Variants in KIF21B observed in about 807,000 individuals in gnomAD.
The protein encoded by KIF21B is kinesin family member 21B.
A neutral mutation model predicts 192.9 loss-of-function variants in KIF21B; 85 were observed. The ratio of observed to expected loss-of-function variants is 0.44; its 90% CI spans 0.37 to 0.53. The LOEUF (loss-of-function observed/expected upper bound fraction) is 0.53, where lower values mean the gene tolerates loss of function less well. Ranked by LOEUF, KIF21B falls within the 20% of genes least tolerant of loss-of-function variation. The probability of loss-of-function intolerance (pLI) is 0.00; values close to 1 mark genes in which losing one functional copy is unlikely to be tolerated. For synonymous variants in KIF21B, 832 were observed against 884.6 expected, an observed-to-expected ratio of 0.94 and a Z score of 1.05; for missense variants, 1,716 against 2,194.8, an observed-to-expected ratio of 0.78 and a Z score of 4.36.
chr1:200,991,545 T>A (rs1215857159), intron 17 of KIF21B, 112 bp downstream of exon 17: 2 of 1,124,280 alleles, frequency 1.8e-6, no homozygotes, highest in Non-Finnish European at 2.6e-6. Flanking sequence ...AATACCGCCT[T>A]TATTCCACCG....
In KIF21B at chr1:200,975,524, T is replaced by C. The variant is rs1384759001; in HGVS notation, c.4589A>G (p.Asp1530Gly). The change falls in exon 33 of 35, where the codon GAC (aspartate) becomes GGC (glycine). Residue 1530 changes from aspartate to glycine, a missense_variant. By Grantham distance (94) the Asp-to-Gly change is moderately conservative (BLOSUM62 -1). This residue lies in a region of KIF21B where 580 missense variants were observed against 775.5 expected (regional missense o/e 0.75). Coordinates refer to ENST00000461742, the MANE Select transcript of KIF21B (RefSeq NM_001252102.2). The surrounding 1 kb of genome is among the most constrained non-coding windows in gnomAD (Gnocchi z 4.3). ...CTGGATGAGCTCCTGCTGGTCTAGG[T>C]CCCACTTCTTGATGCCGTTATCTCG... ...GSRDNGIKKWDLDQQELIQQI... is the reference protein window; with the variant it reads ...GSRDNGIKKWGLDQQELIQQI... The C allele has an allele frequency of 6.2e-7, 1 of 1,613,080 alleles. No individual in the cohort carries two copies. The highest frequency in any genetic ancestry group is 1.7e-5 in the Admixed American group (1 of 59,940).
intron 3 of KIF21B, among the ~76,000 whole-genome samples, chr1:201,008,264 A>G (rs1658028181): frequency 6.6e-6 from 1 of 152,236 alleles, no homozygotes. Flanking sequence ...AGGTGCACAG[A>G]AAGACCTTTC....
At position 200,996,402 on chromosome 1, in the gene KIF21B, G is replaced by C. The variant is rs1427102060; in HGVS notation, c.2078-7C>G. On this transcript the variant is annotated splice_polypyrimidine_tract_variant and splice_region_variant and intron_variant, in intron 14 of 34. Transcript: ENST00000461742. Reference sequence around the variant, plus strand: ...GTATAGCACTCCATGGTGCCTGAGAGCAAGGAGACGCAGCTGTCGGTGCTG... The same window carrying C: ...GTATAGCACTCCATGGTGCCTGAGACCAAGGAGACGCAGCTGTCGGTGCTG... 1.6e-5 allele frequency: 26 copies of C among 1,613,098 alleles called. No individual in the cohort carries two copies. Among genetic ancestry groups the C allele is most frequent in the Non-Finnish European group, 2.2e-5 (26 of 1,179,422 alleles).
At chr1:201,007,437 C>G (rs1571960373) in intron 3 of KIF21B, among the ~76,000 whole-genome samples, 1 of 150,360 alleles carries the variant, frequency 6.7e-6, no homozygotes, top group East Asian at 2.0e-4. Flanking sequence ...CAGACACGGA[C>G]ACAGAGACAC....
chr1:200,984,877 T>A lies in KIF21B; in HGVS notation c.3785A>T (p.Gln1262Leu). The A allele has an allele frequency of 6.2e-7, 1 of 1,602,028 alleles. No individual in the cohort carries two copies. Among genetic ancestry groups the A allele is most frequent in the Non-Finnish European group, 8.5e-7 (1 of 1,175,436 alleles). ...TGCTTACTTGTCCAGCGCTGACCCC[T>A]GGCTCTGATTACTGGTGAGACGAGA... ...VFSRLTSNQS[Q>L]GSALDKSDDS... The change falls in exon 27 of 35, where the codon CAG becomes CTG. Residue 1262 changes from glutamine to leucine, a missense_variant. Physicochemically the swap from Gln to Leu is moderately radical, Grantham distance 113. Transcript: ENST00000461742.
chr1:200,985,782 T>C (rs1303487072), intron 26 of KIF21B, among the ~76,000 whole-genome samples: 263 of 44,982 alleles, frequency 5.8e-3, no homozygotes, highest in African/African-American at 0.013. Context: ...CCCCTCCCCT[T>C]CCCCCTCCCC....
intron 30 of KIF21B, among the ~76,000 whole-genome samples, chr1:200,977,978 C>A (rs1468445530): frequency 2.0e-5 from 3 of 151,918 alleles, no homozygotes; most frequent in Admixed American, 6.5e-5. Context: ...AGGTGATTTG[C>A]CTGCCTCAGC....
In KIF21B at chr1:200,999,315, C is replaced by T. The variant is rs749985573; in HGVS notation, c.1885+34G>A. On this transcript the variant is annotated intron_variant, in intron 13 of 34. Transcript: ENST00000461742. This position sits in a 1 kb window ranked among gnomAD's most constrained non-coding sequence, Gnocchi z 4.7. ...CTTGGGCACTGGCAGCCAGGCATTG[C>T]ATCCCCCACAGCCCACAGCTCAGGC... 6.2e-6 allele frequency: 10 copies of T among 1,613,710 alleles called. No individual in the cohort carries two copies. Among genetic ancestry groups the T allele is most frequent in the Middle Eastern group, 1.7e-4 (1 of 6,058 alleles).
At chr1:200,974,620 G>C (rs1655421542) in intron 34 of KIF21B, 94 bp downstream of exon 34, 1 of 1,334,504 alleles carries the variant, frequency 7.5e-7, no homozygotes, top group East Asian at 2.3e-5. Context: ...GAGCCTGCGG[G>C]GACAACTGCA....
At chr1:200,973,957 C>A in intron 34 of KIF21B, 1 of 1,538,496 alleles carries the variant, frequency 6.5e-7, no homozygotes, top group East Asian at 2.4e-5. Flanking sequence ...CTAGGCCAGG[C>A]AGGACAGGAA....
Position 200,970,589 on chromosome 1 carries a change from G to A in KIF21B, c.*2932C>T, listed in dbSNP as rs1247725160. The A allele has an allele frequency of 6.6e-6, 1 of 152,446 alleles. No individual in the cohort carries two copies. The highest frequency in any genetic ancestry group is 1.9e-4 in the East Asian group (1 of 5,334). The allele number at this position is 152,446 out of a possible 1,614,324, so 9.4% of individuals were successfully genotyped here. A position where few individuals can be genotyped will look rare whatever the true frequency, so the allele number is the denominator to read the frequency against. On this transcript the variant is annotated 3_prime_UTR_variant, in exon 35 of 35. Coordinates refer to ENST00000461742, the MANE Select transcript of KIF21B (RefSeq NM_001252102.2). Reference sequence around the variant, plus strand: ...AAATACTGAACTGACTGATAGTGAGGACAGGGCCCTGGCACAGGACTATGC... The same window carrying A: ...AAATACTGAACTGACTGATAGTGAGAACAGGGCCCTGGCACAGGACTATGC...
chr1:201,010,861 G>C (rs961735837), intron 1 of KIF21B, among the ~76,000 whole-genome samples: 2 of 152,304 alleles, frequency 1.3e-5, no homozygotes, highest in Middle Eastern at 3.4e-3. Context: ...GCACTTCCAC[G>C]GCAAGGGAGT....
chr1:201,013,417 C>T (rs977364248), intron 1 of KIF21B, among the ~76,000 whole-genome samples: 1 of 152,200 alleles, frequency 6.6e-6, no homozygotes, highest in East Asian at 1.9e-4. Flanking sequence ...TACTTGGCCC[C>T]AGATAAGCAG....
At position 200,974,863 on chromosome 1, in the gene KIF21B, C is replaced by A. The variant is rs144100200; in HGVS notation, c.4665G>T (p.Pro1555=). The change falls in exon 34 of 35, where the codon CCG becomes CCT. Residue 1555 remains proline (P), a synonymous_variant. Transcript: ENST00000461742. ...KDWVCALAFI[P]GRPMLLSACR... ...AGGCGCTGAGCAGCATGGGGCGGCC[C>A]GGGATGAAGGCCAGGGCGCACACCC... is the stretch of plus-strand genomic sequence containing the variant. The A allele has an allele frequency of 1.2e-6, 2 of 1,614,142 alleles. No homozygotes were observed. The highest frequency in any genetic ancestry group is 1.7e-6 in the Non-Finnish European group (2 of 1,180,016).
At chr1:201,008,141 G>C (rs1381216932) in intron 3 of KIF21B, among the ~76,000 whole-genome samples, 1 of 152,162 alleles carries the variant, frequency 6.6e-6, no homozygotes, top group East Asian at 1.9e-4. Context: ...ACTGAGTGGG[G>C]GCTCAGCATA....
At chr1:201,007,373 G>GAC (rs1374312365) in intron 3 of KIF21B, among the ~76,000 whole-genome samples, 709 of 42,070 alleles carry the variant, frequency 0.017, 100 homozygotes, top group African/African-American at 0.045. Context: ...CACACACACA[G>GAC]AGACAGAGAC....
At position 200,973,528 on chromosome 1, in the gene KIF21B, G is replaced by A. The variant is rs1201867834; in HGVS notation, c.4865C>T (p.Pro1622Leu). The change falls in exon 35 of 35, where the codon CCA (proline) becomes CTA (leucine). Residue 1622 changes from proline (P) to leucine (L), a missense_variant. Physicochemically the swap from Pro to Leu is moderately conservative, Grantham distance 98 (BLOSUM62 -3). Transcript: ENST00000461742. ...ATCCCTCTGACCTCACTCCTAGGGT[G>A]GGCCGCTGTGGGGTAACCGCCGGAC... ...WSVRRLPHSG[P>L]P 2.0e-6 allele frequency: 3 copies of A among 1,481,462 alleles called. No individual in the cohort carries two copies. The Admixed American group carries it at 8.2e-5, about 40-fold the overall frequency. 91.8% of individuals were successfully genotyped at this position (1,481,462 alleles called of 1,614,324 possible). A position where few individuals can be genotyped will look rare whatever the true frequency, so the allele number is the denominator to read the frequency against.
chr1:201,011,422 A>T (rs1290446868), intron 1 of KIF21B, among the ~76,000 whole-genome samples: 1 of 152,242 alleles, frequency 6.6e-6, no homozygotes, highest in East Asian at 1.9e-4. Flanking sequence ...GTCACAGGTC[A>T]CAGACAGTCA....
intron 26 of KIF21B, 73 bp downstream of exon 26, chr1:200,986,769 AAC>A: frequency 2.3e-6 from 3 of 1,277,492 alleles, no homozygotes; most frequent in Non-Finnish European, 3.4e-6. Context: ...AACAGAGCAG[AAC>A]ATCATAGCCA....
Sources: gnomAD v4.1 joint callset for allele counts (sites outside exome capture counted in the v4.1 genomes callset) on GRCh38, gnomAD v4.1.1 for gene constraint, gnomAD v4.1.1 regional missense constraint, Gnocchi (gnomAD v3.1) non-coding constraint, MANE v1.5 for transcripts, NCBI Gene and HGNC (gene_info 2026-07-23, HGNC 2026-07-21) for gene names.